Variants in NR3C2 observed in about 807,000 individuals in gnomAD.
NR3C2 encodes nuclear receptor subfamily 3 group C member 2.
In NR3C2, 15 loss-of-function variants were observed where a neutral mutation model predicts 86.4. The ratio of observed to expected loss-of-function variants is 0.17; its 90% CI spans 0.12 to 0.27. NR3C2 has a LOEUF of 0.27. Among genes scored for constraint, NR3C2 ranks in the 10% least tolerant of loss-of-function variants. The probability of loss-of-function intolerance (pLI) is 1.00; values close to 1 mark genes in which losing one functional copy is unlikely to be tolerated. For synonymous variants in NR3C2, 458 were observed against 450.5 expected, an observed-to-expected ratio of 1.02 and a Z score of -0.21; for missense variants, 960 against 1,195.6, an observed-to-expected ratio of 0.80 and a Z score of 2.91.
chr4:148,178,465 A>G (rs1295958480), intron 4 of NR3C2, among the ~76,000 whole-genome samples: 3 of 151,808 alleles, frequency 2.0e-5, no homozygotes, highest in Non-Finnish European at 4.4e-5. Context: ...AAAAATTAGG[A>G]TATTGAAAAT....
At chr4:148,189,134 G>A (rs1400420241) in intron 4 of NR3C2, among the ~76,000 whole-genome samples, 1 of 151,972 alleles carries the variant, frequency 6.6e-6, no homozygotes, top group Non-Finnish European at 1.5e-5. Context: ...TTGCCATGTT[G>A]GCCAGGCTGC....
chr4:148,243,895 T>C (rs143776363), intron 3 of NR3C2, among the ~76,000 whole-genome samples: 1,843 of 152,334 alleles, frequency 0.012, 43 homozygotes, highest in African/African-American at 0.042. Flanking sequence ...GCTGCCATAA[T>C]TTCTGCATCT....
At chr4:148,317,389 A>C (rs1278146607) in intron 2 of NR3C2, among the ~76,000 whole-genome samples, 3 of 151,934 alleles carry the variant, frequency 2.0e-5, no homozygotes, top group Non-Finnish European at 4.4e-5. Flanking sequence ...AAAAAGAAAA[A>C]AGAAAAAAGA....
intron 2 of NR3C2, among the ~76,000 whole-genome samples, chr4:148,393,557 A>G (rs1376962684): frequency 6.6e-6 from 1 of 152,174 alleles, no homozygotes; most frequent in Admixed American, 6.5e-5. Context: ...GATGAACTAA[A>G]GAAGACACGC....
At chr4:148,372,741 A>C (rs928778068) in intron 2 of NR3C2, among the ~76,000 whole-genome samples, 2 of 152,218 alleles carry the variant, frequency 1.3e-5, no homozygotes, top group African/African-American at 4.8e-5. Flanking sequence ...AATTCTAAAG[A>C]AAAGTTATTA....
At chr4:148,210,733 C>A (rs1297799444) in intron 3 of NR3C2, among the ~76,000 whole-genome samples, 7 of 152,170 alleles carry the variant, frequency 4.6e-5, no homozygotes, top group Non-Finnish European at 1.0e-4. Context: ...GCAAAGCAAT[C>A]ATAATAAGTT....
intron 2 of NR3C2, among the ~76,000 whole-genome samples, chr4:148,380,408 A>G (rs1746912070): frequency 6.6e-6 from 1 of 152,224 alleles, no homozygotes. Flanking sequence ...TATTATGAAT[A>G]ATGCTGCTAT....
chr4:148,117,511 G>T (rs1288934347), intron 7 of NR3C2, among the ~76,000 whole-genome samples: 1 of 134,288 alleles, frequency 7.4e-6, no homozygotes, highest in African/African-American at 2.6e-5. Flanking sequence ...GCTCATAGAG[G>T]ATACTCAACA....
intron 3 of NR3C2, among the ~76,000 whole-genome samples, chr4:148,233,673 C>A (rs533260236): frequency 6.6e-6 from 1 of 152,126 alleles, no homozygotes; most frequent in East Asian, 1.9e-4. Context: ...CAGGGAACAG[C>A]AACGTCTGAG....
chr4:148,181,693 T>C (rs1165456955), intron 4 of NR3C2, among the ~76,000 whole-genome samples: 3 of 152,244 alleles, frequency 2.0e-5, no homozygotes, highest in Non-Finnish European at 4.4e-5. Flanking sequence ...ATGTGGGCTA[T>C]AGCAAGAGTG....
At chr4:148,183,166 G>A (rs1735723137) in intron 4 of NR3C2, among the ~76,000 whole-genome samples, 1 of 152,066 alleles carries the variant, frequency 6.6e-6, no homozygotes, top group Non-Finnish European at 1.5e-5. Flanking sequence ...CTTTTTTATG[G>A]CTGCATAGTA....
At chr4:148,405,124 T>C (rs1455241334) in intron 2 of NR3C2, among the ~76,000 whole-genome samples, 1 of 152,202 alleles carries the variant, frequency 6.6e-6, no homozygotes, top group Non-Finnish European at 1.5e-5. Flanking sequence ...TAAACTTATT[T>C]TTCTTAAAGA....
At chr4:148,120,903 CA>C (rs1732479209) in intron 6 of NR3C2, among the ~76,000 whole-genome samples, 1 of 152,162 alleles carries the variant, frequency 6.6e-6, no homozygotes, top group Non-Finnish European at 1.5e-5. Context: ...ACAACATATA[CA>C]AATACTTCCA....
At chr4:148,149,881 C>T (rs145559901) in intron 6 of NR3C2, among the ~76,000 whole-genome samples, 29 of 152,148 alleles carry the variant, frequency 1.9e-4, no homozygotes, top group Middle Eastern at 6.8e-3. Context: ...ACTGGGATGG[C>T]TAGTTAATAA....
intron 6 of NR3C2, among the ~76,000 whole-genome samples, chr4:148,142,287 C>A (rs140955241): frequency 6.6e-6 from 1 of 152,088 alleles, no homozygotes; most frequent in East Asian, 1.9e-4. Flanking sequence ...CGGGCAGGAG[C>A]GTTACTAGGG....
chr4:148,233,366 G>GTT, intron 3 of NR3C2, among the ~76,000 whole-genome samples: 1 of 142,810 alleles, frequency 7.0e-6, no homozygotes, highest in South Asian at 2.2e-4. Context: ...ATTTCTTTAG[G>GTT]TTTTTTTTTT....
chr4:148,227,577 T>A (rs1579040428), intron 3 of NR3C2, among the ~76,000 whole-genome samples: 1 of 152,348 alleles, frequency 6.6e-6, no homozygotes, highest in African/African-American at 2.4e-5. Flanking sequence ...TAACAATTAT[T>A]ACCATGGTGA....
At chr4:148,314,265 T>C (rs1226963110) in intron 2 of NR3C2, among the ~76,000 whole-genome samples, 7 of 152,176 alleles carry the variant, frequency 4.6e-5, no homozygotes, top group Non-Finnish European at 5.9e-5. Context: ...AAATCCACAG[T>C]TGCTGATGCA....
chr4:148,270,623 A>G (rs1488964920), intron 2 of NR3C2, among the ~76,000 whole-genome samples: 2 of 152,172 alleles, frequency 1.3e-5, no homozygotes, highest in African/African-American at 4.8e-5. Context: ...GACATCAAAG[A>G]ATGTGTTCAA....
Sources: gnomAD v4.1 joint callset for allele counts (sites outside exome capture counted in the v4.1 genomes callset) on GRCh38, gnomAD v4.1.1 for gene constraint, MANE v1.5 for transcripts, NCBI Gene and HGNC (gene_info 2026-07-23, HGNC 2026-07-21) for gene names.